Variants in FHIT observed in about 807,000 individuals in gnomAD.
The protein encoded by FHIT is fragile histidine triad diadenosine triphosphatase.
In FHIT, 19 loss-of-function variants were observed where a neutral mutation model predicts 17.9. That is an observed-to-expected ratio of 1.06 (90% confidence interval 0.74 to 1.56). The LOEUF (loss-of-function observed/expected upper bound fraction) is 1.56, where lower values mean the gene tolerates loss of function less well. FHIT is among the 40% of genes most tolerant of loss of function. The probability of loss-of-function intolerance (pLI) is 0.00; values close to 1 mark genes in which losing one functional copy is unlikely to be tolerated. For synonymous variants in FHIT, 81 were observed against 69.7 expected (o/e 1.16, Z -0.81); for missense variants, 248 against 189.2 (o/e 1.31, Z -1.82).
intron 7 of FHIT, among the ~76,000 whole-genome samples, chr3:59,985,846 A>T (rs1331548609): frequency 6.6e-6 from 1 of 152,068 alleles, no homozygotes; most frequent in African/African-American, 2.4e-5. Context: ...CTCAGTCATG[A>T]CTGGCCTTCC....
At chr3:60,048,593 T>A (rs913820333) in intron 5 of FHIT, among the ~76,000 whole-genome samples, 2 of 152,228 alleles carry the variant, frequency 1.3e-5, no homozygotes, top group Admixed American at 1.3e-4. Flanking sequence ...ACAGCAGGTG[T>A]GTTAACGTTC....
At chr3:60,517,081 C>T (rs1044015581) in intron 5 of FHIT, among the ~76,000 whole-genome samples, 15 of 152,078 alleles carry the variant, frequency 9.9e-5, no homozygotes, top group Non-Finnish European at 1.8e-4. Flanking sequence ...AAAAACATGT[C>T]GAGAAGTTGT....
At chr3:60,206,762 T>G (rs543593523) in intron 5 of FHIT, among the ~76,000 whole-genome samples, 2 of 149,392 alleles carry the variant, frequency 1.3e-5, no homozygotes, top group East Asian at 4.0e-4. Context: ...TAGAGTACAT[T>G]GCTGAATGTG....
intron 5 of FHIT, among the ~76,000 whole-genome samples, chr3:60,077,738 AG>A (rs138544854): frequency 0.44 from 54,374 of 122,238 alleles, 11,441 homozygotes; most frequent in Middle Eastern, 0.62. Flanking sequence ...ACATATATAG[AG>A]GGGGGGGGGA....
intron 8 of FHIT, among the ~76,000 whole-genome samples, chr3:59,795,611 C>A (rs913198332): frequency 6.6e-6 from 1 of 151,990 alleles, no homozygotes; most frequent in South Asian, 2.1e-4. Context: ...ATAGTCCCAG[C>A]TACTCAGGAG....
chr3:60,795,662 G>A (rs77539181), intron 4 of FHIT, among the ~76,000 whole-genome samples: 8,201 of 152,068 alleles, frequency 0.054, 314 homozygotes, highest in Non-Finnish European at 0.07. Flanking sequence ...CTACTGGCAT[G>A]CGCCACTACC....
At chr3:61,062,419 TCTGGAATCATTTATATG>T (rs2034460254) in intron 2 of FHIT, among the ~76,000 whole-genome samples, 1 of 152,188 alleles carries the variant, frequency 6.6e-6, no homozygotes, top group African/African-American at 2.4e-5. Context: ...AAATGACTCT[TCTGGAATCATTTATATG>T]CTGACCTCCA....
intron 5 of FHIT, among the ~76,000 whole-genome samples, chr3:60,284,564 C>G (rs1219294233): frequency 6.6e-6 from 1 of 152,032 alleles, no homozygotes; most frequent in African/African-American, 2.4e-5. Flanking sequence ...TGATAAGATA[C>G]TTACATAAAG....
At chr3:60,331,815 C>A (rs574619294) in intron 5 of FHIT, among the ~76,000 whole-genome samples, 3 of 150,046 alleles carry the variant, frequency 2.0e-5, no homozygotes, top group Non-Finnish European at 4.4e-5. Context: ...CGTTGCACTC[C>A]AGCCTGGGCA....
chr3:59,905,704 C>T (rs935433006), intron 8 of FHIT, among the ~76,000 whole-genome samples: 1 of 152,154 alleles, frequency 6.6e-6, no homozygotes, highest in African/African-American at 2.4e-5. Context: ...AGTGAGTCAT[C>T]TTGCACTTAA....
chr3:59,976,352 C>T (rs990713421), intron 7 of FHIT, among the ~76,000 whole-genome samples: 1 of 152,126 alleles, frequency 6.6e-6, no homozygotes, highest in African/African-American at 2.4e-5. Context: ...CAGCAACTAT[C>T]ATTCTTAATG....
chr3:60,431,074 T>C (rs961090590), intron 5 of FHIT, among the ~76,000 whole-genome samples: 1 of 151,880 alleles, frequency 6.6e-6, no homozygotes, highest in East Asian at 1.9e-4. Context: ...TAGCCAGCCA[T>C]TGTGGTGCGC....
chr3:59,923,227 A>G (rs1483583530), intron 7 of FHIT, among the ~76,000 whole-genome samples: 1 of 101,822 alleles, frequency 9.8e-6, no homozygotes, highest in African/African-American at 3.4e-5. Flanking sequence ...TCCTCAAAAA[A>G]AAAAAAAAAA....
chr3:60,353,900 G>A (rs1310647814), intron 5 of FHIT, among the ~76,000 whole-genome samples: 1 of 152,048 alleles, frequency 6.6e-6, no homozygotes, highest in Admixed American at 6.6e-5. Context: ...AGCTTTTTTA[G>A]AGAGAAATTT....
At chr3:60,193,118 G>A (rs536808491) in intron 5 of FHIT, among the ~76,000 whole-genome samples, 2 of 152,302 alleles carry the variant, frequency 1.3e-5, no homozygotes, top group South Asian at 4.1e-4. Context: ...CCATGAGAAG[G>A]ATAATTAACA....
At chr3:59,778,224 G>A (rs556609327) in intron 8 of FHIT, among the ~76,000 whole-genome samples, 2 of 152,300 alleles carry the variant, frequency 1.3e-5, no homozygotes, top group East Asian at 3.9e-4. Flanking sequence ...AATGGAGGAG[G>A]TAAGATTGAA....
intron 5 of FHIT, among the ~76,000 whole-genome samples, chr3:60,094,943 A>T (rs1433956329): frequency 6.6e-6 from 1 of 152,174 alleles, no homozygotes; most frequent in East Asian, 1.9e-4. Flanking sequence ...AACGGACTTG[A>T]ATTTTAGGAT....
intron 5 of FHIT, among the ~76,000 whole-genome samples, chr3:60,361,883 A>G (rs1316785594): frequency 5.3e-5 from 8 of 152,152 alleles, no homozygotes; most frequent in Admixed American, 5.2e-4. Context: ...CATTCATGAG[A>G]AAGTCAAATC....
Position 60,080,217 on chromosome 3 carries a change from T to G in FHIT, c.104-66065A>C, listed in dbSNP as rs1703216903. 2.6e-5 allele frequency among the ~76,000 whole-genome samples: 4 copies of G among 152,262 alleles called. 1 individual carries two copies. In the South Asian group the frequency reaches 8.3e-4, roughly 32 times the overall value. ...GAAATCACTTTCCTGAAATACCTTC[T>G]CTGATTTTAGAAAACTGAAAAAACA... On this transcript the variant is annotated intron_variant, in intron 5 of 9. Coordinates refer to ENST00000492590, the MANE Select transcript of FHIT (RefSeq NM_002012.4).
Sources: gnomAD v4.1 joint callset for allele counts (sites outside exome capture counted in the v4.1 genomes callset) on GRCh38, gnomAD v4.1.1 for gene constraint, MANE v1.5 for transcripts, NCBI Gene and HGNC (gene_info 2026-07-23, HGNC 2026-07-21) for gene names.